Variants in SLC34A2 observed in about 807,000 individuals in gnomAD.
The protein encoded by SLC34A2 is sodium-dependent phosphate transport protein 2B.
A neutral mutation model predicts 50.8 loss-of-function variants in SLC34A2; 41 were observed. The observed-to-expected ratio is 0.81, with a 90% CI of 0.63 to 1.05. SLC34A2 has a LOEUF of 1.05. SLC34A2 is among the 50% of genes least tolerant of loss of function. SLC34A2 has a pLI of 0.00. For synonymous variants in SLC34A2, 401 were observed against 364.2 expected (o/e 1.10, Z -1.15); for missense variants, 879 against 876.7 (o/e 1.00, Z -0.03).
At chr4:25,665,352 A>G (rs947321981) in intron 4 of SLC34A2, among the ~76,000 whole-genome samples, 1 of 151,818 alleles carries the variant, frequency 6.6e-6, no homozygotes, top group African/African-American at 2.4e-5. Context: ...TTTTTAGTAG[A>G]GACGGGGTTT....
chr4:25,655,958 GCAAATACC>G (rs1713857469), intron 1 of SLC34A2, 68 bp downstream of exon 1: 1 of 152,240 alleles, frequency 6.6e-6, no homozygotes, highest in South Asian at 2.1e-4. Flanking sequence ...CTTAATTCTT[GCAAATACC>G]TCTCGGTGCT....
chr4:25,674,468 A>G lies in SLC34A2; in HGVS notation c.1334-37A>G, dbSNP rs754615293. 5 of 1,613,968 alleles carry G rather than the reference A, an allele frequency of 3.1e-6. No individual in the cohort carries two copies. In the African/African-American group the frequency reaches 6.7e-5, roughly 22 times the overall value. On this transcript the variant is annotated intron_variant, in intron 11 of 12. Transcript: ENST00000382051. ...CACCACTGCCATTTCCTGTCATCCC[A>G]TGGGGCTGATATGTTTGTGTTTTGT...
At chr4:25,670,647 C>G (rs1714761958) in intron 7 of SLC34A2, 91 bp from the exon 8 acceptor site, 1 of 946,214 alleles carries the variant, frequency 1.1e-6, no homozygotes, top group Non-Finnish European at 1.7e-6. Context: ...CATTTATCTC[C>G]TTAGAGCCCC....
chr4:25,664,879 A>T (rs1221382218), intron 4 of SLC34A2: 1 of 233,262 alleles, frequency 4.3e-6, no homozygotes, highest in Non-Finnish European at 8.4e-6. Context: ...GTCAGAAACA[A>T]ACAAGCAGCA....
chr4:25,673,113 C>G lies in SLC34A2; in HGVS notation c.1075C>G (p.Leu359Val). Residue 359 changes from leucine (L) to valine (V), a missense_variant, in exon 10 of 13, where the codon CTC becomes GTC. Coordinates refer to ENST00000382051, the MANE Select transcript of SLC34A2 (RefSeq NM_006424.3). ...KCQHIFVNFH[L>V]PDLAVGTILL... ...CCAGCATATCTTTGTGAATTTCCACCTCCCGGATCTTGCTGTGGGCACCAT... is the reference window on the plus strand; with the variant it reads ...CCAGCATATCTTTGTGAATTTCCACGTCCCGGATCTTGCTGTGGGCACCAT... The G allele has an allele frequency of 1.2e-6, 2 of 1,614,170 alleles. No individual in the cohort carries two copies. The highest frequency in any genetic ancestry group is 1.7e-6 in the Non-Finnish European group (2 of 1,180,040).
chr4:25,659,125 C>T (rs1466377641), intron 1 of SLC34A2, among the ~76,000 whole-genome samples: 1 of 152,026 alleles, frequency 6.6e-6, no homozygotes, highest in Non-Finnish European at 1.5e-5. Context: ...CTCCCTTTGC[C>T]CCTGGCTGTG....
intron 4 of SLC34A2, 102 bp from the exon 5 acceptor site, chr4:25,666,026 C>A: frequency 6.8e-7 from 1 of 1,473,476 alleles, no homozygotes; most frequent in African/African-American, 1.4e-5. Flanking sequence ...CTGCAACCCA[C>A]AGCCAGCTGG....
rs1715247397 is a variant in SLC34A2, at chr4:25,678,112, C to T, written c.*1363C>T. The T allele has an allele frequency of 6.6e-6, 1 of 152,250 alleles. No individual in the cohort carries two copies. The highest frequency in any genetic ancestry group is 2.1e-4 in the South Asian group (1 of 4,818). The allele number at this position is 152,250 out of a possible 1,614,324, so 9.4% of individuals were successfully genotyped here. A position where few individuals can be genotyped will look rare whatever the true frequency, so the allele number is the denominator to read the frequency against. On this transcript the variant is annotated 3_prime_UTR_variant, in exon 13 of 13. Transcript: ENST00000382051. ...ATCCCAATTCTTCCTGGCCAGTGCG[C>T]TCCAGCCTTATCTAGGAAAGGAGGA...
rs2109050218 is a variant in SLC34A2, at chr4:25,664,320, G to A, written c.369G>A (p.Gln123=). ...TGGATATTCTTAGTAGCGCCTTCCA[G>A]CTGGTTGGAGGTAAGAATGAAAGGG... The part of the protein sequence containing the change: ...CSLDILSSAF[Q]LVGGKMAGQF... The change falls in exon 4 of 13, where the codon CAG becomes CAA. Residue 123 remains glutamine, a synonymous_variant. Coordinates refer to ENST00000382051, the MANE Select transcript of SLC34A2 (RefSeq NM_006424.3). 1 of 1,614,068 alleles carries A rather than the reference G, an allele frequency of 6.2e-7. No homozygotes were observed. The highest frequency in any genetic ancestry group is 1.1e-5 in the South Asian group (1 of 91,074).
chr4:25,669,911 C>A, intron 7 of SLC34A2, 69 bp downstream of exon 7: 1 of 1,335,586 alleles, frequency 7.5e-7, no homozygotes, highest in Non-Finnish European at 1.1e-6. Flanking sequence ...CCTGAGCTGA[C>A]AGATATAGAG....
Position 25,678,556 on chromosome 4 carries a change from A to AC in SLC34A2, c.*1807_*1808insC, listed in dbSNP as rs1715278463. ...ATCTTTGTACTTGCATTGATTGTAT[A>AC]ATAATTTTGAGACCAGGTCTCGCTG... On this transcript the variant is annotated 3_prime_UTR_variant, in exon 13 of 13. Transcript: ENST00000382051. The AC allele has an allele frequency of 4.6e-6, 1 of 216,560 alleles. No individual in the cohort carries two copies. Among genetic ancestry groups the AC allele is most frequent in the Non-Finnish European group, 9.3e-6 (1 of 107,126 alleles). The allele number at this position is 216,560 out of a possible 1,614,324, so 13.4% of individuals were successfully genotyped here. A position where few individuals can be genotyped will look rare whatever the true frequency, so the allele number is the denominator to read the frequency against.
intron 12 of SLC34A2, 28 bp from the exon 13 acceptor site, chr4:25,676,107 C>T: frequency 1.2e-6 from 2 of 1,613,262 alleles, no homozygotes; most frequent in Non-Finnish European, 1.7e-6. Flanking sequence ...CAACAGGCCC[C>T]TCACCTGTCC....
rs746287054 is a variant in SLC34A2, at chr4:25,664,347, G to A, written c.379+17G>A. On this transcript the variant is annotated intron_variant, in intron 4 of 12. Transcript: ENST00000382051. ...TGGTTGGAGGTAAGAATGAAAGGGTGAGAGGTCTGCGGGTGAGGGGCATTA... is the reference window on the plus strand; with the variant it reads ...TGGTTGGAGGTAAGAATGAAAGGGTAAGAGGTCTGCGGGTGAGGGGCATTA... 1 of 1,614,014 alleles carries A rather than the reference G, an allele frequency of 6.2e-7. No homozygotes were observed. The highest frequency in any genetic ancestry group is 1.1e-5 in the South Asian group (1 of 91,072).
At position 25,674,574 on chromosome 4, in the gene SLC34A2, C is replaced by T; in HGVS notation, c.1403C>T (p.Thr468Ile). 1 of 1,614,252 alleles carries T rather than the reference C, an allele frequency of 6.2e-7. No individual in the cohort carries two copies. Among genetic ancestry groups the T allele is most frequent in the Non-Finnish European group, 8.5e-7 (1 of 1,180,040 alleles). ...GGCTCCAACATCGGCACCACCACCA[C>T]CGCCATCCTGGCCGCCTTAGCCAGC... ...TLGSNIGTTT[T>I]AILAALASPG... Residue 468 changes from threonine (T) to isoleucine (I), a missense_variant, in exon 12 of 13, where the codon ACC (threonine) becomes ATC (isoleucine). Transcript: ENST00000382051.
chr4:25,667,885 A>G lies in SLC34A2; in HGVS notation c.529A>G (p.Thr177Ala), dbSNP rs748033823. 2.7e-5 allele frequency: 44 copies of G among 1,610,376 alleles called. No homozygotes were observed. In the Admixed American group the frequency reaches 6.0e-4, roughly 22 times the overall value. ...VVSMVSSSLL[T>A]VRAAIPIIMG... ...GGTACTTTTCCATCCTCTAGTGCTC[A>G]CTGTTCGGGCTGCCATCCCCATTAT... Residue 177 changes from threonine to alanine, a missense_variant, in exon 6 of 13, where the codon ACT becomes GCT. Transcript: ENST00000382051.
intron 6 of SLC34A2, among the ~76,000 whole-genome samples, chr4:25,669,038 C>A (rs1714670568): frequency 6.6e-6 from 1 of 151,952 alleles, no homozygotes; most frequent in Admixed American, 6.6e-5. Context: ...ATGTTTTAGC[C>A]TTGTTTCCCA....
rs1313122273 is a variant in SLC34A2 at position 25,662,558 on chromosome 4, G to A, written c.58G>A (p.Gly20Arg). ...GCCCAACCCCGATAAGTACCTCGAA[G>A]GGGCCGCAGGTCAGCAGCCCACTGC... is the stretch of plus-strand genomic sequence containing the variant. ...AQPNPDKYLE[G>R]AAGQQPTAPD... Residue 20 changes from glycine to arginine, a missense_variant, in exon 2 of 13, where the codon GGG becomes AGG. Physicochemically the swap from Gly to Arg is moderately radical, Grantham distance 125 (BLOSUM62 -2). Coordinates refer to ENST00000382051, the MANE Select transcript of SLC34A2 (RefSeq NM_006424.3). 1.5e-5 allele frequency: 24 copies of A among 1,614,100 alleles called. No individual in the cohort carries two copies. The highest frequency in any genetic ancestry group is 1.7e-5 in the Non-Finnish European group (20 of 1,180,020).
chr4:25,675,715 G>A (rs981212624), intron 12 of SLC34A2, among the ~76,000 whole-genome samples: 1 of 152,212 alleles, frequency 6.6e-6, no homozygotes, highest in African/African-American at 2.4e-5. Context: ...TGCGGCTAGT[G>A]TATTGGACAG....
chr4:25,657,541 TA>T (rs1488071700), intron 1 of SLC34A2, among the ~76,000 whole-genome samples: 6 of 152,172 alleles, frequency 3.9e-5, no homozygotes, highest in Non-Finnish European at 5.9e-5. Context: ...GCACAACTGA[TA>T]TAGTTACAAG....
Sources: gnomAD v4.1 joint callset for allele counts (sites outside exome capture counted in the v4.1 genomes callset) on GRCh38, gnomAD v4.1.1 for gene constraint, MANE v1.5 for transcripts, NCBI Gene and HGNC (gene_info 2026-07-23, HGNC 2026-07-21) for gene names.